MUC17: variants seen among roughly 807,000 people sequenced by gnomAD.
MUC17 encodes the protein mucin 17, cell surface associated.
A neutral mutation model predicts 170.3 loss-of-function variants in MUC17; 190 were observed. The observed-to-expected ratio is 1.12, with a 90% CI of 0.99 to 1.26. MUC17 has a LOEUF of 1.26. MUC17 is among the 50% of genes most tolerant of loss of function. The pLI is 0.00. For synonymous variants in MUC17, 2,325 were observed against 2,002.5 expected (o/e 1.16, Z -4.30); for missense variants, 6,415 against 5,530.0 (o/e 1.16, Z -5.08).
rs1245490309 is a variant in MUC17, at chr7:101,031,121, C to T, written c.84C>T (p.Asp28=). Residue 28 remains aspartate, a splice_region_variant and synonymous_variant, in exon 2 of 13, where the codon GAC becomes GAT. Coordinates refer to ENST00000306151, the MANE Select transcript of MUC17 (RefSeq NM_001040105.2). ...LLPPQAAAEQ[D]LSVNRAVWDG... is the part of the protein sequence containing the mutation. ...CTAACTCCCCTTTGTCTCTTTCAGA[C>T]CTCAGTGTGAACAGGGCTGTGTGGG... is the stretch of plus-strand genomic sequence containing the variant. The T allele has an allele frequency of 1.9e-6, 3 of 1,609,666 alleles. No individual in the cohort carries two copies. Among genetic ancestry groups the T allele is most frequent in the East Asian group, 4.5e-5 (2 of 44,658 alleles).
rs1005278327 is a variant in MUC17 at position 101,058,200 on chromosome 7, G to A, written c.*156G>A. ...TTACCAAGGAGAAAGAGGAGAGACA[G>A]CAGTGCTGGGAGATTCTCAAATAGA... On this transcript the variant is annotated 3_prime_UTR_variant, in exon 13 of 13. Transcript: ENST00000306151. 8.3e-6 allele frequency: 5 copies of A among 600,710 alleles called. No homozygotes were observed. In the South Asian group the frequency reaches 9.3e-5, roughly 11 times the overall value. The allele number at this position is 600,710 out of a possible 1,614,324, so 37.2% of individuals were successfully genotyped here.
At chr7:101,052,876 A>C (rs757392117) in intron 9 of MUC17, 110 bp from the exon 10 acceptor site, 3 of 1,327,352 alleles carry the variant, frequency 2.3e-6, no homozygotes, top group Non-Finnish European at 3.1e-6. Flanking sequence ...GCCCCCTGGC[A>C]ATCTCTTCTT....
chr7:101,023,708 T>C (rs552566604), intron 1 of MUC17, among the ~76,000 whole-genome samples: 1 of 152,306 alleles, frequency 6.6e-6, no homozygotes, highest in Admixed American at 6.5e-5. Flanking sequence ...CCCTGGCTGA[T>C]ACAGTGACTT....
chr7:101,037,251 C>G lies in MUC17; in HGVS notation c.5835C>G (p.Thr1945=), dbSNP rs200579827. ...TTTVASSEIN[T]LSTTLADTRT... is the part of the protein sequence containing the mutation. ...CAGTGGCCAGTTCTGAAATCAACACCCTTTCAACAACTCTTGCTGACACCA... is the reference window on the plus strand; with the variant it reads ...CAGTGGCCAGTTCTGAAATCAACACGCTTTCAACAACTCTTGCTGACACCA... Residue 1945 remains threonine, a synonymous_variant, in exon 3 of 13, where the codon ACC becomes ACG. Transcript: ENST00000306151. 2.5e-6 allele frequency: 4 copies of G among 1,593,456 alleles called. No homozygotes were observed. Among genetic ancestry groups the G allele is most frequent in the African/African-American group, 1.4e-5 (1 of 70,172 alleles).
intron 6 of MUC17, 58 bp from the exon 7 acceptor site, chr7:101,050,426 A>G: frequency 6.4e-7 from 1 of 1,569,336 alleles, no homozygotes; most frequent in Non-Finnish European, 8.6e-7. Context: ...TGCCTGGTAC[A>G]GATTCTAGAG....
rs1377234387 is a variant in MUC17 at position 101,040,610 on chromosome 7, C to A, written c.9194C>A (p.Thr3065Asn). The change falls in exon 3 of 13, where the codon ACC (threonine) becomes AAC (asparagine). Residue 3065 changes from threonine (T) to asparagine (N), a missense_variant. By Grantham distance (65) the Thr-to-Asn change is moderately conservative. Transcript: ENST00000306151. ...TTPVAIPEAS[T>N]LSTTPVDSNS... ...CCAGTGGCCATTCCTGAGGCTAGCA[C>A]CCTTTCAACAACTCCTGTTGACTCC... The A allele has an allele frequency of 3.7e-6, 6 of 1,612,204 alleles. No individual in the cohort carries two copies. The highest frequency in any genetic ancestry group is 2.2e-5 in the South Asian group (2 of 90,906).
At position 101,036,641 on chromosome 7, in the gene MUC17, C is replaced by T. The variant is rs750932564; in HGVS notation, c.5225C>T (p.Ser1742Leu). The T allele has an allele frequency of 2.5e-6, 4 of 1,613,082 alleles. No homozygotes were observed. In the African/African-American group the frequency reaches 5.4e-5, roughly 22 times the overall value. ...TCTGAAGGTACCAGCATGCCAAACT[C>T]AACTCCTAGTGAAGGAACCACTCCA... ...TTSEGTSMPN[S>L]TPSEGTTPLT... Residue 1742 changes from serine to leucine, a missense_variant, in exon 3 of 13, where the codon TCA becomes TTA. Coordinates refer to ENST00000306151, the MANE Select transcript of MUC17 (RefSeq NM_001040105.2).
In MUC17 at chr7:101,031,699, G is replaced by T. The variant is rs1031628754; in HGVS notation, c.283G>T (p.Glu95Ter). 3 of 1,610,400 alleles carry T rather than the reference G, an allele frequency of 1.9e-6. No individual in the cohort carries two copies. In the Admixed American group the frequency reaches 5.0e-5, roughly 27 times the overall value. The change falls in exon 3 of 13, where the codon GAG becomes TAG. Residue 95 changes from glutamate (E) to a stop codon, truncating the protein, a stop_gained. Coordinates refer to ENST00000306151, the MANE Select transcript of MUC17 (RefSeq NM_001040105.2). LOFTEE classifies it high-confidence loss of function. ...CACCAACCCTGAGATGACCTCGATT[G>T]AGTCCAGTGTGACTTCAGACACTCC... ...CSTNPEMTSIESSVTSDTPGV... is the reference protein window; with the variant it reads ...CSTNPEMTSI
At chr7:101,025,881 C>T (rs528014147) in intron 1 of MUC17, among the ~76,000 whole-genome samples, 1 of 152,000 alleles carries the variant, frequency 6.6e-6, no homozygotes, top group South Asian at 2.1e-4. Context: ...TTGCTTGAAC[C>T]CAGGAGGCGG....
At chr7:101,045,607 G>A (rs1056730054) in intron 3 of MUC17, among the ~76,000 whole-genome samples, 1 of 152,120 alleles carries the variant, frequency 6.6e-6, no homozygotes, top group African/African-American at 2.4e-5. Context: ...TGGCCAGGCT[G>A]TTCTTGAACT....
In MUC17 at chr7:101,048,010, G is replaced by A. The variant is rs146561235; in HGVS notation, c.12430G>A (p.Ala4144Thr). ...TCFGDGCQNT[A>T]SRCKNGGTWD... ...CTTTGGAGATGGGTGCCAGAATACGGCCTCTCGCTGCAAGAATGGAGGCAC... is the reference window on the plus strand; with the variant it reads ...CTTTGGAGATGGGTGCCAGAATACGACCTCTCGCTGCAAGAATGGAGGCAC... Residue 4144 changes from alanine (A) to threonine (T), a missense_variant, in exon 4 of 13, where the codon GCC (alanine) becomes ACC (threonine). Physicochemically the swap from Ala to Thr is moderately conservative, Grantham distance 58. Coordinates refer to ENST00000306151, the MANE Select transcript of MUC17 (RefSeq NM_001040105.2). The A allele has an allele frequency of 6.2e-5, 99 of 1,604,272 alleles. No homozygotes were observed. In the African/African-American group the frequency reaches 1.2e-3, roughly 19 times the overall value.
rs757049633 is a variant in MUC17 at position 101,041,066 on chromosome 7, C to T, written c.9650C>T (p.Pro3217Leu). 3 of 1,613,820 alleles carry T rather than the reference C, an allele frequency of 1.9e-6. No homozygotes were observed. The highest frequency in any genetic ancestry group is 3.3e-5 in the Admixed American group (2 of 59,986). Residue 3217 changes from proline to leucine, a missense_variant, in exon 3 of 13, where the codon CCT becomes CTT. Physicochemically the swap from Pro to Leu is moderately conservative, Grantham distance 98. Coordinates refer to ENST00000306151, the MANE Select transcript of MUC17 (RefSeq NM_001040105.2). ...AEGTSIPTSTPSEGMTPLTSV... is the reference protein window; with the variant it reads ...AEGTSIPTSTLSEGMTPLTSV... The stretch of plus-strand genomic sequence containing the variant: ...GGTACCAGCATTCCAACCTCAACTC[C>T]TAGTGAAGGAATGACTCCATTAACT...
chr7:101,039,731 C>T lies in MUC17; in HGVS notation c.8315C>T (p.Ser2772Leu). Residue 2772 changes from serine (S) to leucine (L), a missense_variant, in exon 3 of 13, where the codon TCA becomes TTA. Physicochemically the swap from Ser to Leu is moderately radical, Grantham distance 145. Transcript: ENST00000306151. ...GCCAGTTCTGAGGCTAGCACCGTTT[C>T]AACAACTGCTGTTGACACCAGCATA... ...PVASSEASTV[S>L]TTAVDTSIPV... The T allele has an allele frequency of 6.2e-7, 1 of 1,610,790 alleles. No homozygotes were observed. Among genetic ancestry groups the T allele is most frequent in the South Asian group, 1.1e-5 (1 of 90,918 alleles).
rs776695622 is a variant in MUC17, at chr7:101,048,126, C to G, written c.12535+11C>G. On this transcript the variant is annotated intron_variant, in intron 4 of 12. Coordinates refer to ENST00000306151, the MANE Select transcript of MUC17 (RefSeq NM_001040105.2). ...GCAGCATTGACATAGGTGAGTGCAACCCCAGGCCTTCCCCCACCCCATGCC... is the reference window on the plus strand; with the variant it reads ...GCAGCATTGACATAGGTGAGTGCAAGCCCAGGCCTTCCCCCACCCCATGCC... 11 of 1,558,998 alleles carry G rather than the reference C, an allele frequency of 7.1e-6. No individual in the cohort carries two copies. In the South Asian group the frequency reaches 1.3e-4, roughly 19 times the overall value.
rs1794632264 is a variant in MUC17 at position 101,039,899 on chromosome 7, G to A, written c.8483G>A (p.Gly2828Asp). Residue 2828 changes from glycine to aspartate, a missense_variant, in exon 3 of 13, where the codon GGC becomes GAC. Physicochemically the swap from Gly to Asp is moderately conservative, Grantham distance 94. Transcript: ENST00000306151. The stretch of plus-strand genomic sequence containing the variant: ...ACGCCAGTGGCCAGTTCTGAGGCTG[G>A]CACCCTTTCAACAACTCCTGTTGAC... ...NHTPVASSEAGTLSTTPVDTS... is the reference protein window; with the variant it reads ...NHTPVASSEADTLSTTPVDTS... 3 of 1,612,788 alleles carry A rather than the reference G, an allele frequency of 1.9e-6. No homozygotes were observed. The highest frequency in any genetic ancestry group is 2.2e-5 in the East Asian group (1 of 44,856).
Position 101,035,544 on chromosome 7 carries a change from A to T in MUC17, c.4128A>T (p.Ser1376=), listed in dbSNP as rs1435873642. Residue 1376 remains serine, a synonymous_variant, in exon 3 of 13, where the codon TCA becomes TCT. Transcript: ENST00000306151. ...TPVTTSTEAC[S]SPTTSEGTSM... ...TGACCACTTCTACTGAAGCCTGTTC[A>T]TCTCCTACAACTTCTGAAGGTACCA... 2 of 1,596,176 alleles carry T rather than the reference A, an allele frequency of 1.3e-6. No individual in the cohort carries two copies. The highest frequency in any genetic ancestry group is 1.4e-5 in the African/African-American group (1 of 73,526).
chr7:101,042,059 T>C lies in MUC17; in HGVS notation c.10643T>C (p.Val3548Ala), dbSNP rs746960731. The change falls in exon 3 of 13, where the codon GTT becomes GCT. Residue 3548 changes from valine (V) to alanine (A), a missense_variant. Transcript: ENST00000306151. ...STTPVDSNTF[V>A]TSSSQASSSP... ...ACTCCTGTTGACTCCAACACTTTTG[T>C]TACCAGTTCTAGTCAAGCCAGTTCA... 1 of 1,613,856 alleles carries C rather than the reference T, an allele frequency of 6.2e-7. No individual in the cohort carries two copies. Among genetic ancestry groups the C allele is most frequent in the Admixed American group, 1.7e-5 (1 of 59,998 alleles).
At chr7:101,045,423 C>A (rs573558380) in intron 3 of MUC17, among the ~76,000 whole-genome samples, 6 of 147,306 alleles carry the variant, frequency 4.1e-5, no homozygotes, top group Admixed American at 1.4e-4. Flanking sequence ...GATGGAGTTT[C>A]ACTCTTGTTG....
rs1003886413 is a variant in MUC17, at chr7:101,051,826, G to T, written c.12967G>T (p.Glu4323Ter). ...PEEDCRKMAK[E>*]YGDYFVVEYR... is the part of the protein sequence containing the mutation. The stretch of plus-strand genomic sequence containing the variant: ...AGAGGACTGCCGGAAGATGGCCAAG[G>T]AATATGGAGACTACTTCGTAGTGGA... Residue 4323 changes from glutamate (E) to a stop codon, truncating the protein, a stop_gained, in exon 9 of 13, where the codon GAA becomes TAA. Transcript: ENST00000306151. LOFTEE classifies it high-confidence loss of function. 1.2e-6 allele frequency: 2 copies of T among 1,614,022 alleles called. No homozygotes were observed. Among genetic ancestry groups the T allele is most frequent in the Non-Finnish European group, 1.7e-6 (2 of 1,179,972 alleles).
Sources: allele counts gnomAD v4.1 joint callset (sites outside exome capture counted in the v4.1 genomes callset), GRCh38; gene constraint gnomAD v4.1.1; transcripts MANE v1.5; gene names NCBI Gene and HGNC (gene_info 2026-07-23, HGNC 2026-07-21).